Variants in TSSK2 observed in about 807,000 individuals in gnomAD.
TSSK2 encodes testis specific serine kinase 2.
In TSSK2, 5 loss-of-function variants were observed where a neutral mutation model predicts 14.2. That is an observed-to-expected ratio of 0.35 (90% CI 0.18 to 0.74). TSSK2 has a LOEUF of 0.74. Ranked by LOEUF, TSSK2 falls within the 30% of genes least tolerant of loss-of-function variation. TSSK2 has a pLI of 0.56. For missense variants in TSSK2, 439 were observed against 491.1 expected, an observed-to-expected ratio of 0.89 and a Z score of 1.00; for synonymous variants, 209 against 201.9, an observed-to-expected ratio of 1.04 and a Z score of -0.30.
chr22:19,131,754 C>T lies in TSSK2; in HGVS notation c.355C>T (p.Gln119Ter). 1 of 1,614,160 alleles carries T rather than the reference C, an allele frequency of 6.2e-7. No individual in the cohort carries two copies. Among genetic ancestry groups the T allele is most frequent in the Non-Finnish European group, 8.5e-7 (1 of 1,180,018 alleles). ...GGACGTGGCACGCAAGATGTTCCGA[C>T]AGCTCTCCTCCGCCGTCAAGTACTG... The part of the protein sequence containing the change: ...HEDVARKMFR[Q>*]LSSAVKYCHD... The change falls in exon 1 of 1, where the codon CAG (glutamine) becomes TAG (stop). Residue 119 changes from glutamine to a stop codon, truncating the protein, a stop_gained. Transcript: ENST00000399635. LOFTEE classifies it high-confidence loss of function. This position sits in a 1 kb window ranked among gnomAD's most constrained non-coding sequence, Gnocchi z 5.7.
Position 19,131,317 on chromosome 22 carries a change from C to T in TSSK2, c.-83C>T, listed in dbSNP as rs570061512. On this transcript the variant is annotated 5_prime_UTR_variant, in exon 1 of 1. Coordinates refer to ENST00000399635, the MANE Select transcript of TSSK2 (RefSeq NM_053006.5). The surrounding 1 kb of genome is among the most constrained non-coding windows in gnomAD (Gnocchi z 5.7). ...CCAGGGCAGCCCAGCCAGACGCCTC[C>T]GGTAGTGTAAATGAGGACAATGCCT... 8.3e-5 allele frequency: 107 copies of T among 1,282,170 alleles called. 2 individuals carry two copies. The South Asian group carries it at 1.1e-3, about 13-fold the overall frequency. The allele number at this position is 1,282,170 out of a possible 1,614,324, so 79.4% of individuals were successfully genotyped here. A position where few individuals can be genotyped will look rare whatever the true frequency, so the allele number is the denominator to read the frequency against.
In TSSK2 at chr22:19,132,167, C is replaced by T. The variant is rs768495186; in HGVS notation, c.768C>T (p.Asp256=). The T allele has an allele frequency of 1.1e-5, 18 of 1,613,136 alleles. No homozygotes were observed. The highest frequency in any genetic ancestry group is 1.6e-4 in the Middle Eastern group (1 of 6,080). The change falls in exon 1 of 1, where the codon GAC becomes GAT. Residue 256 remains aspartate (D), a synonymous_variant. Transcript: ENST00000399635. The surrounding 1 kb of genome is among the most constrained non-coding windows in gnomAD (Gnocchi z 4.2). ...TCATCTACCGCATGCTGCAGCCCGA[C>T]GTCAGCCAGCGGCTCCACATCGATG... ...KDLIYRMLQP[D]VSQRLHIDEI...
At position 19,131,489 on chromosome 22, in the gene TSSK2, C is replaced by T; in HGVS notation, c.90C>T (p.Tyr30=). ...KGSYAKVKSA[Y]SERLKFNVAV... is the part of the protein sequence containing the mutation. ...CCTACGCAAAAGTCAAATCTGCCTA[C>T]TCTGAGCGCCTCAAGTTCAATGTGG... Residue 30 remains tyrosine (Y), a synonymous_variant, in exon 1 of 1, where the codon TAC becomes TAT. Transcript: ENST00000399635. This position sits in a 1 kb window ranked among gnomAD's most constrained non-coding sequence, Gnocchi z 5.7. 2 of 1,614,176 alleles carry T rather than the reference C, an allele frequency of 1.2e-6. No homozygotes were observed. The highest frequency in any genetic ancestry group is 1.3e-5 in the African/African-American group (1 of 75,048).
chr22:19,132,289 G>A lies in TSSK2; in HGVS notation c.890G>A (p.Cys297Tyr), dbSNP rs1472953315. 1.2e-6 allele frequency: 2 copies of A among 1,613,404 alleles called. No individual in the cohort carries two copies. The highest frequency in any genetic ancestry group is 2.2e-5 in the East Asian group (1 of 44,884). The change falls in exon 1 of 1, where the codon TGC becomes TAC. Residue 297 changes from cysteine to tyrosine, a missense_variant. Cys to Tyr is a radical substitution (Grantham distance 194). Transcript: ENST00000399635. This position sits in a 1 kb window ranked among gnomAD's most constrained non-coding sequence, Gnocchi z 4.2. ...REGEGKYRAE[C>Y]KLDTKTGLRP... is the part of the protein sequence containing the mutation. ...GGGGAGGGCAAGTACCGCGCTGAGT[G>A]CAAACTGGACACCAAGACAGGCTTG... is the stretch of plus-strand genomic sequence containing the variant.
At position 19,132,362 on chromosome 22, in the gene TSSK2, C is replaced by T; in HGVS notation, c.963C>T (p.His321=). 2 of 1,613,136 alleles carry T rather than the reference C, an allele frequency of 1.2e-6. No individual in the cohort carries two copies. Among genetic ancestry groups the T allele is most frequent in the Middle Eastern group, 3.3e-4 (2 of 6,062 alleles). The change falls in exon 1 of 1, where the codon CAC becomes CAT. Residue 321 remains histidine (H), a synonymous_variant. Coordinates refer to ENST00000399635, the MANE Select transcript of TSSK2 (RefSeq NM_053006.5). This position sits in a 1 kb window ranked among gnomAD's most constrained non-coding sequence, Gnocchi z 4.2. ...ACAAGCTTGGAGCCAAAACCCAGCA[C>T]CGGCTGCTGGTGGTGCCCGAGAACG... ...PDHKLGAKTQ[H]RLLVVPENEN...
Position 19,132,587 on chromosome 22 carries a change from A to G in TSSK2, c.*111A>G. 8.8e-7 allele frequency: 1 copy of G among 1,135,228 alleles called. No individual in the cohort carries two copies. Among genetic ancestry groups the G allele is most frequent in the Non-Finnish European group, 1.3e-6 (1 of 788,384 alleles). 70.3% of individuals were successfully genotyped at this position (1,135,228 alleles called of 1,614,324 possible). On this transcript the variant is annotated 3_prime_UTR_variant, in exon 1 of 1. Transcript: ENST00000399635. The surrounding 1 kb of genome is among the most constrained non-coding windows in gnomAD (Gnocchi z 4.2). The stretch of plus-strand genomic sequence containing the variant: ...TAGGATCTGAAGAAGGCACAGGTGC[A>G]AGTAAAATTCGTCAATTAAACCACT...
chr22:19,131,431 G>A lies in TSSK2; in HGVS notation c.32G>A (p.Gly11Asp). The A allele has an allele frequency of 6.2e-7, 1 of 1,613,022 alleles. No individual in the cohort carries two copies. Among genetic ancestry groups the A allele is most frequent in the Non-Finnish European group, 8.5e-7 (1 of 1,179,370 alleles). MDDATVLRKK[G>D]YIVGINLGKG... The stretch of plus-strand genomic sequence containing the variant: ...GATGCCACAGTCCTAAGGAAGAAGG[G>A]TTACATCGTAGGCATCAATCTTGGC... Residue 11 changes from glycine to aspartate, a missense_variant, in exon 1 of 1, where the codon GGT (glycine) becomes GAT (aspartate). By Grantham distance (94) the Gly-to-Asp change is moderately conservative (BLOSUM62 -1). Transcript: ENST00000399635. This position sits in a 1 kb window ranked among gnomAD's most constrained non-coding sequence, Gnocchi z 5.7.
chr22:19,131,722 T>C lies in TSSK2; in HGVS notation c.323T>C (p.Leu108Pro). ...LLEFIKCQGA[L>P]HEDVARKMFR... Reference sequence around the variant, plus strand: ...GAGTTCATCAAGTGCCAGGGAGCCCTGCATGAGGACGTGGCACGCAAGATG... The same window carrying C: ...GAGTTCATCAAGTGCCAGGGAGCCCCGCATGAGGACGTGGCACGCAAGATG... Residue 108 changes from leucine (L) to proline (P), a missense_variant, in exon 1 of 1, where the codon CTG (leucine) becomes CCG (proline). By Grantham distance (98) the Leu-to-Pro change is moderately conservative. Transcript: ENST00000399635. The surrounding 1 kb of genome is among the most constrained non-coding windows in gnomAD (Gnocchi z 5.7). 1 of 1,614,044 alleles carries C rather than the reference T, an allele frequency of 6.2e-7. No homozygotes were observed. Among genetic ancestry groups the C allele is most frequent in the Non-Finnish European group, 8.5e-7 (1 of 1,179,962 alleles).
At position 19,131,867 on chromosome 22, in the gene TSSK2, C is replaced by T. The variant is rs752323315; in HGVS notation, c.468C>T (p.Gly156=). 24 of 1,614,050 alleles carry T rather than the reference C, an allele frequency of 1.5e-5. No homozygotes were observed. The highest frequency in any genetic ancestry group is 2.0e-5 in the Non-Finnish European group (24 of 1,180,032). ...TCAACATCAAGCTGTCTGACTTTGG[C>T]TTCTCCAAGCGCTGCCTGCGGGACA... The part of the protein sequence containing the change: ...KDFNIKLSDF[G]FSKRCLRDSN... Residue 156 remains glycine (G), a synonymous_variant, in exon 1 of 1, where the codon GGC becomes GGT. Transcript: ENST00000399635. This position sits in a 1 kb window ranked among gnomAD's most constrained non-coding sequence, Gnocchi z 5.7.
At position 19,131,406 on chromosome 22, in the gene TSSK2, G is replaced by C; in HGVS notation, c.7G>C (p.Asp3His). ...GCCAGTCGCTCCTGGCACCATGGAC[G>C]ATGCCACAGTCCTAAGGAAGAAGGG... MD[D>H]ATVLRKKGYI... Residue 3 changes from aspartate (D) to histidine (H), a missense_variant, in exon 1 of 1, where the codon GAT (aspartate) becomes CAT (histidine). By Grantham distance (81) the Asp-to-His change is moderately conservative. Coordinates refer to ENST00000399635, the MANE Select transcript of TSSK2 (RefSeq NM_053006.5). The surrounding 1 kb of genome is among the most constrained non-coding windows in gnomAD (Gnocchi z 5.7). The C allele has an allele frequency of 6.3e-7, 1 of 1,597,340 alleles. No homozygotes were observed. Among genetic ancestry groups the C allele is most frequent in the Non-Finnish European group, 8.5e-7 (1 of 1,170,110 alleles).
Position 19,132,187 on chromosome 22 carries a change from T to G in TSSK2, c.788T>G (p.Ile263Ser), listed in dbSNP as rs1390966204. Residue 263 changes from isoleucine (I) to serine (S), a missense_variant, in exon 1 of 1, where the codon ATC (isoleucine) becomes AGC (serine). Coordinates refer to ENST00000399635, the MANE Select transcript of TSSK2 (RefSeq NM_053006.5). This position sits in a 1 kb window ranked among gnomAD's most constrained non-coding sequence, Gnocchi z 4.2. ...CCCGACGTCAGCCAGCGGCTCCACA[T>G]CGATGAGATCCTCAGCCACTCGTGG... ...LQPDVSQRLH[I>S]DEILSHSWLQ... The G allele has an allele frequency of 6.2e-7, 1 of 1,612,912 alleles. No individual in the cohort carries two copies. The highest frequency in any genetic ancestry group is 2.2e-5 in the East Asian group (1 of 44,834).
rs368344123 is a variant in TSSK2 at position 19,131,533 on chromosome 22, G to A, written c.134G>A (p.Arg45His). The change falls in exon 1 of 1, where the codon CGC (arginine) becomes CAC (histidine). Residue 45 changes from arginine to histidine, a missense_variant. Arg to His is a conservative substitution (Grantham distance 29). Coordinates refer to ENST00000399635, the MANE Select transcript of TSSK2 (RefSeq NM_053006.5). This position sits in a 1 kb window ranked among gnomAD's most constrained non-coding sequence, Gnocchi z 5.7. Reference sequence around the variant, plus strand: ...AATGTGGCTGTCAAGATCATCGACCGCAAGAAAACACCTACTGACTTTGTG... The same window carrying A: ...AATGTGGCTGTCAAGATCATCGACCACAAGAAAACACCTACTGACTTTGTG... Reference protein sequence around the residue: ...KFNVAVKIIDRKKTPTDFVER... With the variant: ...KFNVAVKIIDHKKTPTDFVER... 1.6e-5 allele frequency: 26 copies of A among 1,614,132 alleles called. No individual in the cohort carries two copies. The Admixed American group carries it at 2.0e-4, about 12-fold the overall frequency.
chr22:19,132,505 G>C lies in TSSK2; in HGVS notation c.*29G>C. The C allele has an allele frequency of 2.5e-6, 4 of 1,574,452 alleles. No homozygotes were observed. Among genetic ancestry groups the C allele is most frequent in the Non-Finnish European group, 3.5e-6 (4 of 1,156,934 alleles). ...GACAATGGCCCCGTTGTGTGTGGTG[G>C]GGGTCGGGGTTGGGGGGCATGGTGC... On this transcript the variant is annotated 3_prime_UTR_variant, in exon 1 of 1. Transcript: ENST00000399635. The surrounding 1 kb of genome is among the most constrained non-coding windows in gnomAD (Gnocchi z 4.2).
rs1228574688 is a variant in TSSK2, at chr22:19,131,691, C to G, written c.292C>G (p.Leu98Val). The change falls in exon 1 of 1, where the codon CTC becomes GTC. Residue 98 changes from leucine to valine, a missense_variant. Physicochemically the swap from Leu to Val is conservative, Grantham distance 32. Coordinates refer to ENST00000399635, the MANE Select transcript of TSSK2 (RefSeq NM_053006.5). The surrounding 1 kb of genome is among the most constrained non-coding windows in gnomAD (Gnocchi z 5.7). ...IIMELGVQGD[L>V]LEFIKCQGAL... ...CATGGAGCTTGGCGTCCAGGGCGAC[C>G]TCCTCGAGTTCATCAAGTGCCAGGG... is the stretch of plus-strand genomic sequence containing the variant. 1 of 1,614,094 alleles carries G rather than the reference C, an allele frequency of 6.2e-7. No homozygotes were observed. The highest frequency in any genetic ancestry group is 1.7e-5 in the Admixed American group (1 of 60,020).
chr22:19,131,347 GC>G lies in TSSK2; in HGVS notation c.-50del. 6.7e-7 allele frequency: 1 copy of G among 1,485,402 alleles called. No homozygotes were observed. 92.0% of individuals were successfully genotyped at this position (1,485,402 alleles called of 1,614,324 possible). A position where few individuals can be genotyped will look rare whatever the true frequency, so the allele number is the denominator to read the frequency against. Reference sequence around the variant, plus strand: ...GTGTAAATGAGGACAATGCCTGCTGGCCCACATGACGGGGGGATGTAGACGG... The same window carrying G: ...GTGTAAATGAGGACAATGCCTGCTGGCCACATGACGGGGGGATGTAGACGG... On this transcript the variant is annotated 5_prime_UTR_variant, in exon 1 of 1. An upstream open reading frame in the 5' UTR loses its in-frame stop. Transcript: ENST00000399635. The surrounding 1 kb of genome is among the most constrained non-coding windows in gnomAD (Gnocchi z 5.7).
At position 19,132,526 on chromosome 22, in the gene TSSK2, G is replaced by C. The variant is rs375084328; in HGVS notation, c.*50G>C. On this transcript the variant is annotated 3_prime_UTR_variant, in exon 1 of 1. Transcript: ENST00000399635. The surrounding 1 kb of genome is among the most constrained non-coding windows in gnomAD (Gnocchi z 4.2). ...GGTGGGGGTCGGGGTTGGGGGGCAT[G>C]GTGCAGTCGGCCTTCACGTAAACTA... 3.3e-6 allele frequency: 5 copies of C among 1,531,550 alleles called. No homozygotes were observed. The African/African-American group carries it at 6.9e-5, about 21-fold the overall frequency. The allele number at this position is 1,531,550 out of a possible 1,614,324, so 94.9% of individuals were successfully genotyped here. A position where few individuals can be genotyped will look rare whatever the true frequency, so the allele number is the denominator to read the frequency against.
Position 19,132,493 on chromosome 22 carries a change from T to C in TSSK2, c.*17T>C, listed in dbSNP as rs373520876. ...AGCACCTAGCATGACAATGGCCCCG[T>C]TGTGTGTGGTGGGGGTCGGGGTTGG... On this transcript the variant is annotated 3_prime_UTR_variant, in exon 1 of 1. Transcript: ENST00000399635. The surrounding 1 kb of genome is among the most constrained non-coding windows in gnomAD (Gnocchi z 4.2). 18 of 1,589,404 alleles carry C rather than the reference T, an allele frequency of 1.1e-5. No homozygotes were observed. In the Middle Eastern group the frequency reaches 8.4e-4, roughly 74 times the overall value.
At position 19,132,228 on chromosome 22, in the gene TSSK2, C is replaced by A. The variant is rs2083516228; in HGVS notation, c.829C>A (p.Pro277Thr). ...LSHSWLQPPK[P>T]KATSSASFKR... ...CCACTCGTGGCTGCAGCCCCCCAAG[C>A]CCAAAGCCACGTCTTCTGCCTCCTT... Residue 277 changes from proline (P) to threonine (T), a missense_variant, in exon 1 of 1, where the codon CCC becomes ACC. Coordinates refer to ENST00000399635, the MANE Select transcript of TSSK2 (RefSeq NM_053006.5). This position sits in a 1 kb window ranked among gnomAD's most constrained non-coding sequence, Gnocchi z 4.2. 1 of 1,612,284 alleles carries A rather than the reference C, an allele frequency of 6.2e-7. No individual in the cohort carries two copies. Among genetic ancestry groups the A allele is most frequent in the Non-Finnish European group, 8.5e-7 (1 of 1,178,688 alleles).
At position 19,131,768 on chromosome 22, in the gene TSSK2, C is replaced by T. The variant is rs747673439; in HGVS notation, c.369C>T (p.Ala123=). 6 of 1,614,060 alleles carry T rather than the reference C, an allele frequency of 3.7e-6. No homozygotes were observed. Among genetic ancestry groups the T allele is most frequent in the African/African-American group, 2.7e-5 (2 of 74,936 alleles). The change falls in exon 1 of 1, where the codon GCC becomes GCT. Residue 123 remains alanine, a synonymous_variant. Transcript: ENST00000399635. This position sits in a 1 kb window ranked among gnomAD's most constrained non-coding sequence, Gnocchi z 5.7. ...AGATGTTCCGACAGCTCTCCTCCGC[C>T]GTCAAGTACTGCCACGACCTGGACA... ...ARKMFRQLSS[A]VKYCHDLDIV...
Sources: gnomAD v4.1 joint callset for allele counts on GRCh38, gnomAD v4.1.1 for gene constraint, Gnocchi (gnomAD v3.1) non-coding constraint, MANE v1.5 for transcripts, NCBI Gene and HGNC (gene_info 2026-07-23, HGNC 2026-07-21) for gene names.